Variants in NELL1 observed in about 807,000 individuals in gnomAD.
NELL1 encodes neural EGFL like 1, also known as protein kinase C-binding protein NELL1.
Under a neutral mutation model 107.4 loss-of-function variants are expected in NELL1, and 76 were observed. The observed-to-expected ratio is 0.71, with a 90% CI of 0.59 to 0.86. The LOEUF (loss-of-function observed/expected upper bound fraction) is 0.86. Ranked by LOEUF, NELL1 falls within the 40% of genes least tolerant of loss-of-function variation. The pLI is 0.00. For missense variants in NELL1, 1,024 were observed against 1,005.5 expected, an observed-to-expected ratio of 1.02 and a Z score of -0.25; for synonymous variants, 353 against 341.2, an observed-to-expected ratio of 1.03 and a Z score of -0.38.
intron 16 of NELL1, 49 bp from the exon 17 acceptor site, chr11:21,560,140 C>T (rs375078234): frequency 1.3e-6 from 2 of 1,563,706 alleles, no homozygotes. Context: ...TGTTTGTTCT[C>T]TAAGTTCCCT....
chr11:21,301,658 T>A (rs1849494115), intron 14 of NELL1, among the ~76,000 whole-genome samples: 1 of 152,154 alleles, frequency 6.6e-6, no homozygotes, highest in Non-Finnish European at 1.5e-5. Flanking sequence ...CTTTGTCAGA[T>A]GGGTAGATTG....
At chr11:21,298,964 G>A (rs1849435083) in intron 14 of NELL1, among the ~76,000 whole-genome samples, 1 of 151,942 alleles carries the variant, frequency 6.6e-6, no homozygotes, top group Non-Finnish European at 1.5e-5. Context: ...CCAGAAGTGG[G>A]CAACTGAAGT....
At chr11:20,932,693 G>A (rs1850643474) in intron 9 of NELL1, among the ~76,000 whole-genome samples, 1 of 152,214 alleles carries the variant, frequency 6.6e-6, no homozygotes, top group Non-Finnish European at 1.5e-5. Context: ...ACAGAGAGGA[G>A]AAGTAACTTG....
intron 14 of NELL1, among the ~76,000 whole-genome samples, chr11:21,288,628 TA>T (rs1849182035): frequency 6.6e-6 from 1 of 152,216 alleles, no homozygotes; most frequent in African/African-American, 2.4e-5. Context: ...ATCTGTGCAA[TA>T]AAGGTAAATG....
At chr11:21,363,416 T>G (rs1021505755) in intron 14 of NELL1, among the ~76,000 whole-genome samples, 1 of 152,232 alleles carries the variant, frequency 6.6e-6, no homozygotes, top group Non-Finnish European at 1.5e-5. Context: ...GAGGTAGGTT[T>G]TTCCCCCTTT....
chr11:21,092,668 C>T (rs748491651), intron 12 of NELL1, among the ~76,000 whole-genome samples: 3 of 152,118 alleles, frequency 2.0e-5, no homozygotes, highest in Non-Finnish European at 2.9e-5. Context: ...GAGGGTATTT[C>T]TACAAAATAG....
chr11:21,551,462 G>T (rs1856581244), intron 16 of NELL1, among the ~76,000 whole-genome samples: 1 of 152,002 alleles, frequency 6.6e-6, no homozygotes, highest in African/African-American at 2.4e-5. Flanking sequence ...CATTCAGTAT[G>T]ATATTGGCTG....
intron 12 of NELL1, among the ~76,000 whole-genome samples, chr11:21,082,165 G>C (rs1854284879): frequency 6.6e-6 from 1 of 152,136 alleles, no homozygotes; most frequent in Non-Finnish European, 1.5e-5. Context: ...GGGAGTCTTG[G>C]TTTAGGCAGC....
intron 15 of NELL1, among the ~76,000 whole-genome samples, chr11:21,455,594 A>G (rs1853707741): frequency 6.6e-6 from 1 of 152,074 alleles, no homozygotes; most frequent in African/African-American, 2.4e-5. Flanking sequence ...TTGGCTTCCC[A>G]AAGTTTGGAA....
At chr11:21,230,244 C>A (rs558394032) in intron 14 of NELL1, among the ~76,000 whole-genome samples, 26 of 152,324 alleles carry the variant, frequency 1.7e-4, no homozygotes, top group African/African-American at 6.3e-4. Flanking sequence ...GTTTGCTTAT[C>A]TCTGTGTTAT....
At chr11:21,475,532 C>CA (rs374945364) in intron 15 of NELL1, among the ~76,000 whole-genome samples, 9 of 152,160 alleles carry the variant, frequency 5.9e-5, no homozygotes, top group African/African-American at 2.2e-4. Context: ...AGGTTGCATC[C>CA]AAAAAGGAGC....
chr11:21,440,639 G>T (rs1433728267), intron 15 of NELL1, among the ~76,000 whole-genome samples: 1 of 151,390 alleles, frequency 6.6e-6, no homozygotes, highest in African/African-American at 2.4e-5. Context: ...CGTTGTTAGT[G>T]TCTGGAAAAA....
chr11:21,223,788 A>T (rs1857822175), intron 13 of NELL1, among the ~76,000 whole-genome samples: 1 of 152,106 alleles, frequency 6.6e-6, no homozygotes, highest in Non-Finnish European at 1.5e-5. Context: ...TGACTCAAAA[A>T]ATATATATTG....
At chr11:21,499,932 TG>T (rs1855092892) in intron 15 of NELL1, among the ~76,000 whole-genome samples, 1 of 152,126 alleles carries the variant, frequency 6.6e-6, no homozygotes, top group Non-Finnish European at 1.5e-5. Flanking sequence ...TGGCATAGCT[TG>T]CTGACATCTT....
intron 12 of NELL1, among the ~76,000 whole-genome samples, chr11:21,061,692 T>C (rs776128767): frequency 6.6e-6 from 1 of 152,084 alleles, no homozygotes; most frequent in African/African-American, 2.4e-5. Flanking sequence ...GAAAGGGAGA[T>C]AGTCTTCGCT....
chr11:20,794,394 A>G (rs1857131321), intron 3 of NELL1, among the ~76,000 whole-genome samples: 1 of 152,222 alleles, frequency 6.6e-6, no homozygotes, highest in Non-Finnish European at 1.5e-5. Flanking sequence ...AACACATTTT[A>G]AATGAAAAAA....
chr11:21,367,976 T>G lies in NELL1; in HGVS notation c.1550-2877T>G, dbSNP rs537970491. ...TTTCATTGAAATGCTGAGTTCATAG[T>G]CAATCAAGAAGAGCCTGTCCATATA... On this transcript the variant is annotated intron_variant, in intron 14 of 19. Transcript: ENST00000357134. 5.6e-4 allele frequency among the ~76,000 whole-genome samples: 86 copies of G among 152,236 alleles called. 2 individuals carry two copies. In the South Asian group the frequency reaches 0.018, roughly 31 times the overall value.
At chr11:21,102,121 G>A (rs1355464602) in intron 12 of NELL1, among the ~76,000 whole-genome samples, 1 of 152,164 alleles carries the variant, frequency 6.6e-6, no homozygotes, top group African/African-American at 2.4e-5. Flanking sequence ...CCAAAGTGCT[G>A]GAATGACTGG....
At chr11:20,712,488 T>A (rs1311409070) in intron 2 of NELL1, among the ~76,000 whole-genome samples, 1 of 152,170 alleles carries the variant, frequency 6.6e-6, no homozygotes, top group Non-Finnish European at 1.5e-5. Flanking sequence ...CAATTCAGAT[T>A]TCTTCTTGGT....
Sources: gnomAD v4.1 joint callset for allele counts (sites outside exome capture counted in the v4.1 genomes callset) on GRCh38, gnomAD v4.1.1 for gene constraint, MANE v1.5 for transcripts, NCBI Gene and HGNC (gene_info 2026-07-23, HGNC 2026-07-21) for gene names.